The following PARP8 variants were observed in gnomAD, a reference collection of about 807,000 sequenced individuals.
PARP8 encodes poly(ADP-ribose) polymerase family member 8.
PARP8 carries 51 observed loss-of-function variants against 124.1 expected under a neutral mutation model. The observed-to-expected ratio is 0.41, with a 90% CI of 0.33 to 0.52. The LOEUF is 0.52. PARP8 is among the 20% of genes least tolerant of loss of function. The pLI is 0.21. For synonymous variants in PARP8, 391 were observed against 361.5 expected, an observed-to-expected ratio of 1.08 and a Z score of -0.93; for missense variants, 860 against 1,018.9, an observed-to-expected ratio of 0.84 and a Z score of 2.12.
Position 50,824,950 on chromosome 5 carries a change from C to T in PARP8, c.1903C>T (p.Pro635Ser). Reference protein sequence around the residue: ...EIKKQMDKQDPLAHPLLQWVI... With the variant: ...EIKKQMDKQDSLAHPLLQWVI... The stretch of plus-strand genomic sequence containing the variant: ...CAAGAAGCAAATGGATAAACAGGAC[C>T]CCCTTGCTCATCCCTTACTGCAATG... Residue 635 changes from proline (P) to serine (S), a missense_variant, in exon 18 of 26, where the codon CCC becomes TCC. Physicochemically the swap from Pro to Ser is moderately conservative, Grantham distance 74. Around this residue, in one of 2 missense-constraint regions of PARP8, gnomAD observed 343 missense variants for 474.7 expected, o/e 0.72. Transcript: ENST00000281631. The T allele has an allele frequency of 6.2e-7, 1 of 1,612,874 alleles. No individual in the cohort carries two copies. Among genetic ancestry groups the T allele is most frequent in the Non-Finnish European group, 8.5e-7 (1 of 1,179,152 alleles).
At chr5:50,797,380 G>A in intron 14 of PARP8, 147 bp downstream of exon 14, 2 of 578,538 alleles carry the variant, frequency 3.5e-6, no homozygotes, top group Middle Eastern at 4.6e-4. Context: ...TGACAAAATA[G>A]TATTACTTCT....
chr5:50,760,490 G>C (rs1760438960), intron 5 of PARP8, 128 bp downstream of exon 5: 2 of 724,912 alleles, frequency 2.8e-6, no homozygotes, highest in Non-Finnish European at 3.9e-6. Flanking sequence ...TCAAGCTAAT[G>C]GCTCAGGGGT....
rs1291601067 is a variant in PARP8 at position 50,759,809 on chromosome 5, A to G, written c.274+77A>G. The G allele has an allele frequency of 4.2e-6, 6 of 1,413,266 alleles. No homozygotes were observed. The East Asian group carries it at 1.7e-4, about 39-fold the overall frequency. 87.5% of individuals were successfully genotyped at this position (1,413,266 alleles called of 1,614,324 possible). The stretch of plus-strand genomic sequence containing the variant: ...CTTTTTTTGTTTGTTTGTTTGTTTC[A>G]TTTAGCCAGTAACAGATATTTATCT... On this transcript the variant is annotated intron_variant, in intron 4 of 25. Transcript: ENST00000281631.
rs1434094821 is a variant in PARP8 at position 50,826,758 on chromosome 5, T to A, written c.1932T>A (p.Val644=). Residue 644 remains valine, a synonymous_variant, in exon 19 of 26, where the codon GTT becomes GTA. Coordinates refer to ENST00000281631, the MANE Select transcript of PARP8 (RefSeq NM_024615.4). ...DPLAHPLLQW[V]ISSNRSHIVK... ...TAATGGATCATTTTAATTTCAGGGT[T>A]ATATCAAGTAATAGATCACATATTG... The A allele has an allele frequency of 8.2e-6, 13 of 1,586,388 alleles. No homozygotes were observed. Among genetic ancestry groups the A allele is most frequent in the Non-Finnish European group, 1.1e-5 (13 of 1,171,316 alleles).
At chr5:50,775,424 G>A (rs1456094621) in intron 7 of PARP8, among the ~76,000 whole-genome samples, 17 of 152,232 alleles carry the variant, frequency 1.1e-4, no homozygotes, top group Admixed American at 2.6e-4. Flanking sequence ...GCGTGGCGGC[G>A]CGTGCCTGTG....
chr5:50,709,844 AGT>A (rs35238386), intron 2 of PARP8, among the ~76,000 whole-genome samples: 86,875 of 127,606 alleles, frequency 0.68, 30,288 homozygotes, highest in East Asian at 0.83. Context: ...TTTGTACAAG[AGT>A]GTGTGTGTGT....
intron 2 of PARP8, among the ~76,000 whole-genome samples, chr5:50,705,887 T>C (rs1331018806): frequency 3.3e-5 from 5 of 152,218 alleles, no homozygotes; most frequent in Non-Finnish European, 7.3e-5. Flanking sequence ...ATTGATACTT[T>C]TATGTATCCA....
chr5:50,785,337 A>G (rs79194595), intron 9 of PARP8, among the ~76,000 whole-genome samples: 3,017 of 152,262 alleles, frequency 0.02, 108 homozygotes, highest in African/African-American at 0.069. Context: ...ATTTGTGTCT[A>G]GTGTTATATA....
At chr5:50,759,854 T>G in intron 4 of PARP8, 122 bp downstream of exon 4, 2 of 1,157,876 alleles carry the variant, frequency 1.7e-6, no homozygotes, top group South Asian at 2.1e-5. Flanking sequence ...ATAAATCCAG[T>G]CTCCATACAA....
rs548842848 is a variant in PARP8 at position 50,763,365 on chromosome 5, G to A, written c.518+123G>A. Reference sequence around the variant, plus strand: ...TGTATTTTAAAGTGTTTTAGAAAGAGTCTACTGTTTATCCTTACACAAAAT... The same window carrying A: ...TGTATTTTAAAGTGTTTTAGAAAGAATCTACTGTTTATCCTTACACAAAAT... On this transcript the variant is annotated intron_variant, in intron 7 of 25. Transcript: ENST00000281631. 29 of 686,538 alleles carry A rather than the reference G, an allele frequency of 4.2e-5. No individual in the cohort carries two copies. The South Asian group carries it at 4.9e-4, about 12-fold the overall frequency. 42.5% of individuals were successfully genotyped at this position (686,538 alleles called of 1,614,324 possible). A position where few individuals can be genotyped will look rare whatever the true frequency, so the allele number is the denominator to read the frequency against.
At chr5:50,672,555 C>T (rs184879908) in intron 2 of PARP8, among the ~76,000 whole-genome samples, 119 of 152,284 alleles carry the variant, frequency 7.8e-4, no homozygotes, top group Middle Eastern at 3.4e-3. Flanking sequence ...GTCCACTTCT[C>T]TGGGTCACAT....
rs1759570681 is a variant in PARP8, at chr5:50,754,122, T to TATATATATATATATATATATAC, written c.184+3955_184+3956insCATATATATATATATATATATA. Among the ~76,000 whole-genome samples the TATATATATATATATATATATAC allele has an allele frequency of 1.3e-3, 8 of 6,382 alleles. 1 individual carries two copies. The highest frequency in any genetic ancestry group is 2.6e-3 in the Non-Finnish European group (8 of 3,036). The allele number at this position is 6,382 out of a possible 152,430, so 4.2% of individuals were successfully genotyped here. On this transcript the variant is annotated intron_variant, in intron 3 of 25. Coordinates refer to ENST00000281631, the MANE Select transcript of PARP8 (RefSeq NM_024615.4). ...ATTTGAGTTTGAAAACATTCATATA[T>TATATATATATATATATATATAC]ATATATATATATATATATATATATA...
chr5:50,805,951 C>T (rs1384814211), intron 14 of PARP8, among the ~76,000 whole-genome samples: 1 of 152,028 alleles, frequency 6.6e-6, no homozygotes, highest in African/African-American at 2.4e-5. Context: ...TCATCTCAAC[C>T]TGCCCCACTT....
At chr5:50,667,725 C>G (rs1367873387) in intron 1 of PARP8, 3 of 701,428 alleles carry the variant, frequency 4.3e-6, no homozygotes, top group East Asian at 5.4e-5. Context: ...CCCAAGGCAC[C>G]CAGCGCCCCT....
intron 9 of PARP8, among the ~76,000 whole-genome samples, chr5:50,785,929 C>G (rs1406307562): frequency 5.3e-5 from 8 of 152,310 alleles, no homozygotes; most frequent in Non-Finnish European, 7.4e-5. Flanking sequence ...GCACACTAGT[C>G]TCTGTTCGCT....
intron 2 of PARP8, among the ~76,000 whole-genome samples, chr5:50,732,593 T>G (rs1757075966): frequency 6.6e-6 from 1 of 152,126 alleles, no homozygotes; most frequent in Non-Finnish European, 1.5e-5. Context: ...TGCAATAGCT[T>G]TGACTCAGCA....
chr5:50,680,198 A>G (rs960571470), intron 2 of PARP8, among the ~76,000 whole-genome samples: 3 of 151,940 alleles, frequency 2.0e-5, no homozygotes, highest in Non-Finnish European at 4.4e-5. Context: ...CTTCTTCAAT[A>G]CTCTGGATCG....
Position 50,794,874 on chromosome 5 carries a change from T to C in PARP8, c.885T>C (p.Pro295=), listed in dbSNP as rs752364171. 9.9e-6 allele frequency: 16 copies of C among 1,613,852 alleles called. No homozygotes were observed. The South Asian group carries it at 1.8e-4, about 18-fold the overall frequency. ...GAAGGTCGCCAAGTTATCCTCCCCC[T>C]GGTTGTGGCAAAAGCAAATCCAAAC... ...TLRRSPSYPP[P]GCGKSKSKLK... The change falls in exon 12 of 26, where the codon CCT becomes CCC. Residue 295 remains proline, a synonymous_variant. Transcript: ENST00000281631.
At chr5:50,715,257 C>T (rs1168657070) in intron 2 of PARP8, among the ~76,000 whole-genome samples, 1 of 152,050 alleles carries the variant, frequency 6.6e-6, no homozygotes, top group African/African-American at 2.4e-5. Flanking sequence ...TCTTTAGTAA[C>T]CTTTCCATAC....
Sources: gnomAD v4.1 joint callset for allele counts (sites outside exome capture counted in the v4.1 genomes callset) on GRCh38, gnomAD v4.1.1 for gene constraint, gnomAD v4.1.1 regional missense constraint, MANE v1.5 for transcripts, NCBI Gene and HGNC (gene_info 2026-07-23, HGNC 2026-07-21) for gene names.